TTC29: variants seen among roughly 807,000 people sequenced by gnomAD.
The protein encoded by TTC29 is tetratricopeptide repeat protein 29.
Under a neutral mutation model 58.1 loss-of-function variants are expected in TTC29, and 49 were observed. That is an observed-to-expected ratio of 0.84 (90% CI 0.67 to 1.07). The LOEUF (loss-of-function observed/expected upper bound fraction) is 1.07. Among genes scored for constraint, TTC29 ranks in the 50% least tolerant of loss-of-function variants. The pLI is 0.00. For missense variants in TTC29, 582 were observed against 555.6 expected, an observed-to-expected ratio of 1.05 and a Z score of -0.48; for synonymous variants, 209 against 196.8, an observed-to-expected ratio of 1.06 and a Z score of -0.52.
At chr4:146,847,741 C>A (rs1037793609) in intron 8 of TTC29, among the ~76,000 whole-genome samples, 1 of 152,340 alleles carries the variant, frequency 6.6e-6, no homozygotes, top group South Asian at 2.1e-4. Flanking sequence ...ACGGACAAGG[C>A]TGGGGACCAG....
chr4:146,713,517 T>C (rs1304035893), intron 11 of TTC29, among the ~76,000 whole-genome samples: 2 of 152,166 alleles, frequency 1.3e-5, no homozygotes, highest in Non-Finnish European at 2.9e-5. Context: ...GTAGAAATCA[T>C]GATGTGGTAA....
intron 4 of TTC29, among the ~76,000 whole-genome samples, chr4:146,922,012 C>CAAAAA (rs34167190): frequency 5.9e-4 from 63 of 107,360 alleles, no homozygotes; most frequent in East Asian, 1.1e-3. Flanking sequence ...GGATCCCCTA[C>CAAAAA]AAAAAAAAAA....
intron 11 of TTC29, among the ~76,000 whole-genome samples, chr4:146,727,556 C>T (rs1363645514): frequency 1.3e-5 from 2 of 152,160 alleles, no homozygotes; most frequent in Non-Finnish European, 2.9e-5. Context: ...CATAGTGTTG[C>T]CTTTTTCTAG....
chr4:146,823,478 T>G (rs1751978416), intron 9 of TTC29, among the ~76,000 whole-genome samples: 1 of 152,090 alleles, frequency 6.6e-6, no homozygotes, highest in South Asian at 2.1e-4. Context: ...TGTTTTGGTA[T>G]GAGTACCATG....
At chr4:146,909,719 T>C (rs1012496862) in intron 4 of TTC29, among the ~76,000 whole-genome samples, 5 of 152,234 alleles carry the variant, frequency 3.3e-5, no homozygotes, top group Non-Finnish European at 7.3e-5. Context: ...TATTGAAATC[T>C]ATTACTAACT....
chr4:146,840,143 C>A (rs1428107720), intron 8 of TTC29, among the ~76,000 whole-genome samples: 1 of 150,596 alleles, frequency 6.6e-6, no homozygotes, highest in Admixed American at 6.7e-5. Flanking sequence ...ATCTCTTAAT[C>A]TTTTAAGTGG....
chr4:146,905,976 T>C (rs1006780808), intron 5 of TTC29, among the ~76,000 whole-genome samples: 2 of 152,160 alleles, frequency 1.3e-5, no homozygotes, highest in Non-Finnish European at 2.9e-5. Context: ...AAACAAACAT[T>C]ATTAGAAAAA....
chr4:146,766,507 A>G (rs960773576), intron 11 of TTC29, among the ~76,000 whole-genome samples: 10 of 152,182 alleles, frequency 6.6e-5, no homozygotes, highest in Admixed American at 2.6e-4. Context: ...AATATTTCTA[A>G]ATAATTATTT....
chr4:146,899,506 C>A (rs1356722921), intron 6 of TTC29, among the ~76,000 whole-genome samples: 1 of 152,176 alleles, frequency 6.6e-6, no homozygotes, highest in Non-Finnish European at 1.5e-5. Flanking sequence ...AAACCAGCCA[C>A]CCCAGGTAAA....
intron 6 of TTC29, among the ~76,000 whole-genome samples, chr4:146,885,604 C>A (rs1375618909): frequency 6.6e-6 from 1 of 152,006 alleles, no homozygotes; most frequent in African/African-American, 2.4e-5. Context: ...TAGATTACTT[C>A]TTTAAGTAAT....
At chr4:146,895,309 T>G (rs548249331) in intron 6 of TTC29, among the ~76,000 whole-genome samples, 27 of 152,282 alleles carry the variant, frequency 1.8e-4, no homozygotes, top group African/African-American at 4.6e-4. Context: ...GGGAGCTCAC[T>G]TTTTGAGTAG....
intron 11 of TTC29, among the ~76,000 whole-genome samples, chr4:146,713,171 T>C (rs1742645474): frequency 6.7e-6 from 1 of 150,262 alleles, no homozygotes; most frequent in East Asian, 2.0e-4. Context: ...ACAAGTAGCA[T>C]ATAATAACCA....
chr4:146,827,595 AGATT>A (rs1727894084), intron 9 of TTC29, among the ~76,000 whole-genome samples: 1 of 152,224 alleles, frequency 6.6e-6, no homozygotes, highest in Admixed American at 6.5e-5. Flanking sequence ...TCAGCCTCTT[AGATT>A]AATAACTTTG....
At chr4:146,900,925 T>C (rs1733103210) in intron 6 of TTC29, among the ~76,000 whole-genome samples, 1 of 152,218 alleles carries the variant, frequency 6.6e-6, no homozygotes, top group South Asian at 2.1e-4. Context: ...AAAATACACT[T>C]ATGACAGCTA....
Position 146,774,119 on chromosome 4 carries a change from A to C in TTC29, c.1330+29338T>G, listed in dbSNP as rs187244803. On this transcript the variant is annotated intron_variant, in intron 11 of 12. Transcript: ENST00000325106. ...GTCATTTCTGATTGTGTTCCTTTGG[A>C]TATTCTTTATTAGTTTAGCTAGCAG... is the stretch of plus-strand genomic sequence containing the variant. Among the ~76,000 whole-genome samples the C allele has an allele frequency of 2.3e-4, 34 of 151,096 alleles. No individual in the cohort carries two copies. In the East Asian group the frequency reaches 5.3e-3, roughly 23 times the overall value.
rs530204687 is a variant in TTC29, at chr4:146,850,775, A to G, written c.885+16723T>C. ...GACAAATATTCACGTTTAGTTACAC[A>G]ATATTTTCAATGGAAAATGTTTATT... On this transcript the variant is annotated intron_variant, in intron 8 of 12. Transcript: ENST00000325106. Among the ~76,000 whole-genome samples, 39 of 152,354 alleles carry G rather than the reference A, an allele frequency of 2.6e-4. No individual in the cohort carries two copies. The South Asian group carries it at 8.1e-3, about 32-fold the overall frequency.
chr4:146,926,435 A>G (rs1209131824), intron 4 of TTC29, among the ~76,000 whole-genome samples: 1 of 152,068 alleles, frequency 6.6e-6, no homozygotes. Context: ...TTTTCTAGTT[A>G]TAATCTGACA....
At chr4:146,869,844 T>C (rs1426523587) in intron 7 of TTC29, among the ~76,000 whole-genome samples, 1 of 151,960 alleles carries the variant, frequency 6.6e-6, no homozygotes, top group Non-Finnish European at 1.5e-5. Flanking sequence ...AAAGTTAAGA[T>C]AAAATGAAAG....
chr4:146,846,913 T>G (rs1729208953), intron 8 of TTC29, among the ~76,000 whole-genome samples: 1 of 152,214 alleles, frequency 6.6e-6, no homozygotes, highest in Admixed American at 6.5e-5. Context: ...CAATTTGATA[T>G]CCTTTCCACC....
Sources: allele counts gnomAD v4.1 joint callset (sites outside exome capture counted in the v4.1 genomes callset), GRCh38; gene constraint gnomAD v4.1.1; transcripts MANE v1.5; gene names NCBI Gene and HGNC (gene_info 2026-07-23, HGNC 2026-07-21).